MEGF9: variants seen among roughly 807,000 people sequenced by gnomAD.
The protein encoded by MEGF9 is multiple epidermal growth factor-like domains protein 9.
Under a neutral mutation model 46.8 loss-of-function variants are expected in MEGF9, and 6 were observed. The ratio of observed to expected loss-of-function variants is 0.13; its 90% CI spans 0.07 to 0.25. MEGF9 has a LOEUF of 0.25. Among genes scored for constraint, MEGF9 ranks in the 10% least tolerant of loss-of-function variants. MEGF9 has a pLI of 1.00. For missense variants in MEGF9, 683 were observed against 792.4 expected, an observed-to-expected ratio of 0.86 and a Z score of 1.66; for synonymous variants, 302 against 330.7, an observed-to-expected ratio of 0.91 and a Z score of 0.94.
intron 1 of MEGF9, among the ~76,000 whole-genome samples, chr9:120,704,145 C>G (rs1168356570): frequency 6.6e-6 from 1 of 151,942 alleles, no homozygotes; most frequent in Non-Finnish European, 1.5e-5. Flanking sequence ...ACCAACCTGG[C>G]CAACATGGCA....
chr9:120,672,410 T>C (rs928566539), intron 1 of MEGF9, among the ~76,000 whole-genome samples: 1 of 150,684 alleles, frequency 6.6e-6, no homozygotes, highest in Non-Finnish European at 1.5e-5. Flanking sequence ...CTAGGCAACA[T>C]AGTGAGACCC....
At chr9:120,612,659 A>G in intron 3 of MEGF9, 120 bp from the exon 4 acceptor site, 3 of 854,722 alleles carry the variant, frequency 3.5e-6, no homozygotes, top group Non-Finnish European at 5.2e-6. Flanking sequence ...GGGATTGGAT[A>G]GAGTTAATTT....
chr9:120,641,816 C>T (rs935593572), intron 2 of MEGF9, among the ~76,000 whole-genome samples: 4 of 152,164 alleles, frequency 2.6e-5, no homozygotes, highest in Non-Finnish European at 5.9e-5. Context: ...TAGTGATGAA[C>T]CCTGAATTTG....
chr9:120,624,907 T>C (rs1436754282), intron 2 of MEGF9, among the ~76,000 whole-genome samples: 1 of 151,958 alleles, frequency 6.6e-6, no homozygotes, highest in African/African-American at 2.4e-5. Context: ...GTGAGGAATT[T>C]TGGTTGTGAG....
Position 120,663,705 on chromosome 9 carries a change from C to T in MEGF9, c.602-4130G>A, listed in dbSNP as rs527400758. On this transcript the variant is annotated intron_variant, in intron 1 of 5. Coordinates refer to ENST00000373930, the MANE Select transcript of MEGF9 (RefSeq NM_001080497.3). ...ATTGCAGACAAGTATGAATAAGATG[C>T]CGAACAGCTCATTCAATTGCCTAAA... is the stretch of plus-strand genomic sequence containing the variant. Among the ~76,000 whole-genome samples, 10 of 152,212 alleles carry T rather than the reference C, an allele frequency of 6.6e-5. No individual in the cohort carries two copies. The East Asian group carries it at 1.9e-3, about 29-fold the overall frequency.
At chr9:120,690,056 T>C (rs2043841650) in intron 1 of MEGF9, 1 of 483,488 alleles carries the variant, frequency 2.1e-6, no homozygotes, top group African/African-American at 2.0e-5. Context: ...CACTCAGATA[T>C]TTTCCAAAGA....
At chr9:120,617,540 TA>T (rs1211523981) in intron 3 of MEGF9, among the ~76,000 whole-genome samples, 1 of 152,226 alleles carries the variant, frequency 6.6e-6, no homozygotes, top group East Asian at 1.9e-4. Flanking sequence ...CCAGAAAATG[TA>T]AAACCAGATA....
chr9:120,610,462 T>A (rs969338226), intron 4 of MEGF9, among the ~76,000 whole-genome samples: 1 of 152,190 alleles, frequency 6.6e-6, no homozygotes, highest in Non-Finnish European at 1.5e-5. Context: ...TTTCTGCCAT[T>A]CTTAAGTAGT....
At chr9:120,680,337 G>A (rs1316416967) in intron 1 of MEGF9, among the ~76,000 whole-genome samples, 1 of 152,092 alleles carries the variant, frequency 6.6e-6, no homozygotes, top group Non-Finnish European at 1.5e-5. Flanking sequence ...GTATTCGAAG[G>A]GACTTGGGCC....
chr9:120,617,711 G>C (rs2043478590), intron 3 of MEGF9, among the ~76,000 whole-genome samples: 1 of 152,186 alleles, frequency 6.6e-6, no homozygotes. Flanking sequence ...TCAGAGAATA[G>C]GGAGAGAAGA....
chr9:120,689,171 C>T (rs2043837454), intron 1 of MEGF9, among the ~76,000 whole-genome samples: 1 of 152,098 alleles, frequency 6.6e-6, no homozygotes, highest in African/African-American at 2.4e-5. Flanking sequence ...ACATGGAGAA[C>T]CACCTAATTC....
intron 2 of MEGF9, 111 bp downstream of exon 2, chr9:120,659,263 C>A: frequency 1.4e-6 from 1 of 696,958 alleles, no homozygotes; most frequent in Non-Finnish European, 2.3e-6. Context: ...TTTTGTAAAT[C>A]TATGACCCTC....
intron 2 of MEGF9, among the ~76,000 whole-genome samples, chr9:120,624,046 T>C (rs1460597860): frequency 6.6e-6 from 1 of 152,246 alleles, no homozygotes; most frequent in Non-Finnish European, 1.5e-5. Flanking sequence ...AACCATAATA[T>C]AGCCAATGTT....
chr9:120,683,855 C>T (rs1260270428), intron 1 of MEGF9, among the ~76,000 whole-genome samples: 2 of 151,882 alleles, frequency 1.3e-5, no homozygotes, highest in African/African-American at 4.8e-5. Context: ...GATCATATCA[C>T]TGCACTCCAA....
chr9:120,632,028 A>G (rs974207633), intron 2 of MEGF9, among the ~76,000 whole-genome samples: 12 of 151,906 alleles, frequency 7.9e-5, no homozygotes, highest in African/African-American at 2.9e-4. Flanking sequence ...CCCAGGTTCA[A>G]GTGATTTGCC....
intron 5 of MEGF9, among the ~76,000 whole-genome samples, chr9:120,607,399 C>T (rs1272872494): frequency 6.6e-6 from 1 of 152,074 alleles, no homozygotes; most frequent in Non-Finnish European, 1.5e-5. Context: ...TTCAAAAGAC[C>T]TTTGATGATC....
At chr9:120,709,357 G>A (rs1233763341) in intron 1 of MEGF9, among the ~76,000 whole-genome samples, 1 of 152,024 alleles carries the variant, frequency 6.6e-6, no homozygotes, top group East Asian at 1.9e-4. Context: ...AGGTTGCAGT[G>A]GGCTGAGATG....
At chr9:120,611,803 A>T (rs1009501212) in intron 4 of MEGF9, among the ~76,000 whole-genome samples, 1 of 147,224 alleles carries the variant, frequency 6.8e-6, no homozygotes, top group Non-Finnish European at 1.5e-5. Flanking sequence ...AAGAAAGGAA[A>T]GAAAGAAAGA....
intron 1 of MEGF9, among the ~76,000 whole-genome samples, chr9:120,678,694 G>C (rs542173468): frequency 1.3e-5 from 2 of 152,220 alleles, no homozygotes; most frequent in Non-Finnish European, 2.9e-5. Flanking sequence ...TGCTGGTCTC[G>C]AACTCCTGGC....
Sources: allele counts gnomAD v4.1 joint callset (sites outside exome capture counted in the v4.1 genomes callset), GRCh38; gene constraint gnomAD v4.1.1; transcripts MANE v1.5; gene names NCBI Gene and HGNC (gene_info 2026-07-23, HGNC 2026-07-21).